The following SRPRB variants were observed in gnomAD, a reference collection of about 807,000 sequenced individuals.
SRPRB encodes the protein signal recognition particle receptor subunit beta.
In SRPRB, 20 loss-of-function variants were observed where a neutral mutation model predicts 31.9. The observed-to-expected ratio is 0.63, with a 90% CI of 0.44 to 0.91. SRPRB has a LOEUF of 0.91. Among genes scored for constraint, SRPRB ranks in the 40% least tolerant of loss-of-function variants. The pLI is 0.00. For missense variants in SRPRB, 321 were observed against 324.9 expected (o/e 0.99, Z 0.09); for synonymous variants, 146 against 132.8 (o/e 1.10, Z -0.68).
At chr3:133,826,935 A>G (rs1460732342), downstream of SRPRB, 3 of 152,702 alleles carry the variant, frequency 2.0e-5, no homozygotes. Flanking sequence ...GTCTATCTCT[A>G]TATATAATTA....
At chr3:133,818,774 A>G (rs1029848458) in intron 6 of SRPRB, among the ~76,000 whole-genome samples, 1 of 141,816 alleles carries the variant, frequency 7.1e-6, no homozygotes, top group Non-Finnish European at 1.5e-5. Context: ...GTTTTTTAAA[A>G]ATACTTTTAC....
chr3:133,813,397 C>T (rs1170619697), intron 4 of SRPRB, among the ~76,000 whole-genome samples: 2 of 152,184 alleles, frequency 1.3e-5, no homozygotes, highest in Admixed American at 6.5e-5. Context: ...TCCTCTCTAT[C>T]GTATCTTCCA....
In SRPRB at chr3:133,820,280, A is replaced by G. The variant is rs552267768; in HGVS notation, c.*514A>G. The G allele has an allele frequency of 9.4e-5, 15 of 159,286 alleles. No homozygotes were observed. Among genetic ancestry groups the G allele is most frequent in the Non-Finnish European group, 2.1e-4 (15 of 71,536 alleles). The allele number at this position is 159,286 out of a possible 1,614,324, so 9.9% of individuals were successfully genotyped here. On this transcript the variant is annotated 3_prime_UTR_variant, in exon 7 of 7. Transcript: ENST00000678299. ...CAGTTATGAAGTTTCCCCACATGTG[A>G]AGACAGGTACAAAATAGCAGAGCCA...
upstream of SRPRB, chr3:133,805,722 G>A: frequency 7.7e-7 from 1 of 1,291,914 alleles, no homozygotes; most frequent in Non-Finnish European, 1.0e-6. Context: ...GCACTTGGGG[G>A]ATCGCCGCGG....
Position 133,819,850 on chromosome 3 carries a change from G to A in SRPRB, c.*84G>A. The A allele has an allele frequency of 8.1e-7, 1 of 1,229,732 alleles. No homozygotes were observed. The highest frequency in any genetic ancestry group is 1.2e-6 in the Non-Finnish European group (1 of 858,140). 76.2% of individuals were successfully genotyped at this position (1,229,732 alleles called of 1,614,324 possible). A position where few individuals can be genotyped will look rare whatever the true frequency, so the allele number is the denominator to read the frequency against. Reference sequence around the variant, plus strand: ...GTGGTAGTCTGGAGTTGATGAGGAAGGGGTACAAGATGTGGTTAGAAACAT... The same window carrying A: ...GTGGTAGTCTGGAGTTGATGAGGAAAGGGTACAAGATGTGGTTAGAAACAT... On this transcript the variant is annotated 3_prime_UTR_variant, in exon 7 of 7. Coordinates refer to ENST00000678299, the MANE Select transcript of SRPRB (RefSeq NM_001379313.1).
downstream of SRPRB, among the ~76,000 whole-genome samples, chr3:133,822,781 A>G (rs1423757265): frequency 1.3e-5 from 2 of 152,228 alleles, no homozygotes; most frequent in Non-Finnish European, 2.9e-5. Context: ...ATCAGTGGCA[A>G]TTAAGATGCC....
At chr3:133,821,835 G>A (rs766236719), downstream of SRPRB, among the ~76,000 whole-genome samples, 18 of 152,264 alleles carry the variant, frequency 1.2e-4, no homozygotes, top group Non-Finnish European at 2.2e-4. Flanking sequence ...GGAGTGTCAC[G>A]TGTGCCTTTA....
At chr3:133,788,949 G>A (rs1399985345) in intron 1 of SRPRB, 1 of 152,228 alleles carries the variant, frequency 6.6e-6, no homozygotes, top group African/African-American at 2.4e-5. Flanking sequence ...GGATAATGTG[G>A]CCTTATCAAA....
intron 3 of SRPRB, 82 bp downstream of exon 3, chr3:133,807,905 C>A: frequency 1.0e-6 from 1 of 985,418 alleles, no homozygotes; most frequent in Non-Finnish European, 1.6e-6. Context: ...AGGATGAGTT[C>A]ATCTGAGGAT....
chr3:133,813,100 T>G (rs1449944843), intron 4 of SRPRB, among the ~76,000 whole-genome samples: 1 of 152,254 alleles, frequency 6.6e-6, no homozygotes. Flanking sequence ...CTCATCCATC[T>G]GTTGCAGATG....
At chr3:133,793,367 C>T (rs1934893293) in intron 1 of SRPRB, 1 of 152,058 alleles carries the variant, frequency 6.6e-6, no homozygotes, top group South Asian at 2.1e-4. Context: ...TTCCCAAAAT[C>T]AAATTTCAGC....
chr3:133,825,273 T>G (rs1276386828), downstream of SRPRB: 1 of 152,228 alleles, frequency 6.6e-6, no homozygotes, highest in Admixed American at 6.5e-5. Context: ...TTGTCACAAC[T>G]GGTATCCCAG....
At chr3:133,817,845 C>G (rs1935393286) in intron 6 of SRPRB, among the ~76,000 whole-genome samples, 1 of 152,170 alleles carries the variant, frequency 6.6e-6, no homozygotes, top group Non-Finnish European at 1.5e-5. Context: ...TTCCTGTACT[C>G]AGGAGCTTAG....
At chr3:133,815,076 G>A (rs1396832109) in intron 4 of SRPRB, among the ~76,000 whole-genome samples, 5 of 152,098 alleles carry the variant, frequency 3.3e-5, no homozygotes, top group African/African-American at 9.7e-5. Flanking sequence ...CATACTGTAG[G>A]CTGAGTATCC....
rs1935168268 is a variant in SRPRB, at chr3:133,806,721, C to T, written c.249+18C>T. ...TTGTCAGGGTAAATGATTTCATTGA[C>T]ACCCCTGTTAAGCTTAATAGAAAAT... On this transcript the variant is annotated intron_variant, in intron 2 of 6. Coordinates refer to ENST00000678299, the MANE Select transcript of SRPRB (RefSeq NM_001379313.1). 6.3e-7 allele frequency: 1 copy of T among 1,590,592 alleles called. No homozygotes were observed. Among genetic ancestry groups the T allele is most frequent in the Non-Finnish European group, 8.6e-7 (1 of 1,158,816 alleles).
At chr3:133,790,572 A>C (rs779028974) in intron 1 of SRPRB, 3 of 152,244 alleles carry the variant, frequency 2.0e-5, no homozygotes, top group Non-Finnish European at 4.4e-5. Context: ...AATTGGAGAT[A>C]TTTGGCTAAT....
rs1195703797 is a variant in SRPRB at position 133,820,814 on chromosome 3, G to T, written c.*1048G>T. 7 of 152,202 alleles carry T rather than the reference G, an allele frequency of 4.6e-5. No homozygotes were observed. Among genetic ancestry groups the T allele is most frequent in the African/African-American group, 1.4e-4 (6 of 41,436 alleles). The allele number at this position is 152,202 out of a possible 1,614,324, so 9.4% of individuals were successfully genotyped here. A position where few individuals can be genotyped will look rare whatever the true frequency, so the allele number is the denominator to read the frequency against. ...ATGGTGAGTACAAATGAGTGCACAT[G>T]TCAGGACTCAGGTCTAACTCCTTGT... is the stretch of plus-strand genomic sequence containing the variant. On this transcript the variant is annotated 3_prime_UTR_variant, in exon 7 of 7. Coordinates refer to ENST00000678299, the MANE Select transcript of SRPRB (RefSeq NM_001379313.1).
At chr3:133,802,877 C>T (rs1935083572), upstream of SRPRB, among the ~76,000 whole-genome samples, 1 of 152,194 alleles carries the variant, frequency 6.6e-6, no homozygotes, top group South Asian at 2.1e-4. Context: ...ATTCTGGCTA[C>T]TCTTACGTTG....
chr3:133,798,655 T>G (rs963253994), intron 1 of SRPRB, among the ~76,000 whole-genome samples: 2 of 152,174 alleles, frequency 1.3e-5, no homozygotes, highest in Non-Finnish European at 2.9e-5. Context: ...TCATATAGCT[T>G]TAGGATTTTG....
Sources: gnomAD v4.1 joint callset for allele counts (sites outside exome capture counted in the v4.1 genomes callset) on GRCh38, gnomAD v4.1.1 for gene constraint, MANE v1.5 for transcripts, NCBI Gene and HGNC (gene_info 2026-07-23, HGNC 2026-07-21) for gene names.